The following CSMD1 variants were observed in gnomAD, a reference collection of about 807,000 sequenced individuals.
The protein encoded by CSMD1 is CUB and sushi domain-containing protein 1.
A neutral mutation model predicts 417.5 loss-of-function variants in CSMD1; 213 were observed. The observed-to-expected ratio is 0.51, with a 90% CI of 0.46 to 0.57. The LOEUF is 0.57. Among genes scored for constraint, CSMD1 ranks in the 20% least tolerant of loss-of-function variants. CSMD1 has a pLI of 0.00. For missense variants in CSMD1, 6,923 were observed against 4,529.7 expected (o/e 1.53, Z -15.17); for synonymous variants, 2,862 against 1,736.8 (o/e 1.65, Z -16.11).
intron 1 of CSMD1, among the ~76,000 whole-genome samples, chr8:4,746,856 C>G (rs535746768): frequency 6.6e-6 from 1 of 152,300 alleles, no homozygotes; most frequent in South Asian, 2.1e-4. Context: ...GTGACATACT[C>G]TGCAAACAAC....
intron 10 of CSMD1, among the ~76,000 whole-genome samples, chr8:3,540,469 C>T (rs1039051493): frequency 4.6e-5 from 7 of 152,230 alleles, no homozygotes; most frequent in South Asian, 2.1e-4. Flanking sequence ...GACATAGTCA[C>T]GGGCAACGAA....
chr8:4,395,017 C>T (rs1804105296), intron 3 of CSMD1, among the ~76,000 whole-genome samples: 1 of 152,192 alleles, frequency 6.6e-6, no homozygotes, highest in Non-Finnish European at 1.5e-5. Flanking sequence ...TAGACCCTTT[C>T]CCTCTGCGTG....
rs139154085 is a variant in CSMD1 at position 3,015,530 on chromosome 8, G to C, written c.8029+2947C>G. On this transcript the variant is annotated intron_variant, in intron 52 of 69. Transcript: ENST00000635120. ...TTTGATTCAGAATCACTTCTGAATA[G>C]TACTTATGAATACCCATCTCATAAC... Among the ~76,000 whole-genome samples the C allele has an allele frequency of 2.7e-3, 414 of 151,866 alleles. 4 individuals are homozygous for C. The highest frequency in any genetic ancestry group is 7.6e-3 in the African/African-American group (316 of 41,416).
chr8:4,440,373 T>C (rs983900949), intron 2 of CSMD1, among the ~76,000 whole-genome samples: 3 of 152,186 alleles, frequency 2.0e-5, no homozygotes, highest in East Asian at 3.9e-4. Context: ...AATTATACAA[T>C]GAATAAGGAG....
intron 1 of CSMD1, among the ~76,000 whole-genome samples, chr8:4,854,558 A>C (rs1464317381): frequency 6.6e-6 from 1 of 152,132 alleles, no homozygotes; most frequent in Non-Finnish European, 1.5e-5. Flanking sequence ...GGGTGCGCGC[A>C]CCGTGCGTGA....
chr8:3,929,812 C>G (rs1186775772), intron 5 of CSMD1, among the ~76,000 whole-genome samples: 1 of 149,430 alleles, frequency 6.7e-6, no homozygotes, highest in Non-Finnish European at 1.5e-5. Context: ...CAGGCACATG[C>G]CACCATGCCT....
At chr8:3,022,513 G>C (rs1461950941) in intron 51 of CSMD1, among the ~76,000 whole-genome samples, 1 of 152,186 alleles carries the variant, frequency 6.6e-6, no homozygotes, top group African/African-American at 2.4e-5. Flanking sequence ...TCAATTCTAT[G>C]ATTATATTCA....
At chr8:4,886,347 T>C (rs1012288662) in intron 1 of CSMD1, among the ~76,000 whole-genome samples, 1 of 151,960 alleles carries the variant, frequency 6.6e-6, no homozygotes, top group African/African-American at 2.4e-5. Context: ...TTTTATTTTA[T>C]GTATATTATA....
At chr8:3,164,564 G>C (rs1820096390) in intron 37 of CSMD1, among the ~76,000 whole-genome samples, 1 of 151,888 alleles carries the variant, frequency 6.6e-6, no homozygotes, top group African/African-American at 2.4e-5. Context: ...CCACATATTA[G>C]CAAGGTCATC....
Position 3,515,587 on chromosome 8 carries a change from G to T in CSMD1, c.1345-21861C>A, listed in dbSNP as rs146356246. Among the ~76,000 whole-genome samples the T allele has an allele frequency of 5.2e-3, 796 of 152,322 alleles. 5 individuals carry two copies. Among genetic ancestry groups the T allele is most frequent in the African/African-American group, 0.018 (756 of 41,570 alleles). ...ATTGCCGTTTTCGGAAGTTTAGAAT[G>T]TTTCCAACAGAAAACTTATTACTGT... On this transcript the variant is annotated intron_variant, in intron 10 of 69. Transcript: ENST00000635120.
chr8:3,498,936 T>C (rs970999559), intron 10 of CSMD1, among the ~76,000 whole-genome samples: 1 of 152,206 alleles, frequency 6.6e-6, no homozygotes, highest in African/African-American at 2.4e-5. Flanking sequence ...TTCTACTGAT[T>C]CTCACGGCGT....
chr8:4,012,302 A>G (rs1291515769), intron 4 of CSMD1, among the ~76,000 whole-genome samples: 1 of 152,088 alleles, frequency 6.6e-6, no homozygotes, highest in Non-Finnish European at 1.5e-5. Context: ...GTTTCATTTC[A>G]TCTTCCAATC....
chr8:3,180,459 G>A (rs935768150), intron 37 of CSMD1, among the ~76,000 whole-genome samples: 1 of 152,132 alleles, frequency 6.6e-6, no homozygotes, highest in Non-Finnish European at 1.5e-5. Flanking sequence ...ACCTTCTGGG[G>A]AATGCTAATA....
intron 29 of CSMD1, among the ~76,000 whole-genome samples, chr8:3,215,346 T>C (rs1473560868): frequency 6.6e-6 from 1 of 152,240 alleles, no homozygotes; most frequent in Non-Finnish European, 1.5e-5. Context: ...GTGCACTGGA[T>C]GTACTAACAG....
At chr8:2,962,905 G>A (rs190045544) in intron 60 of CSMD1, among the ~76,000 whole-genome samples, 116 of 152,204 alleles carry the variant, frequency 7.6e-4, no homozygotes, top group Non-Finnish European at 1.2e-3. Flanking sequence ...AAAATTAGCT[G>A]GGTTTGGTGG....
rs545193128 is a variant in CSMD1, at chr8:3,268,254, C to G, written c.4153+15890G>C. The stretch of plus-strand genomic sequence containing the variant: ...CACACAATGAGGCCAGGGCGACTTT[C>G]TCCCATCAGGGTGTGGTCAGATGGT... On this transcript the variant is annotated intron_variant, in intron 26 of 69. Coordinates refer to ENST00000635120, the MANE Select transcript of CSMD1 (RefSeq NM_033225.6). Among the ~76,000 whole-genome samples the G allele has an allele frequency of 9.2e-4, 137 of 148,586 alleles. 3 individuals carry two copies. The South Asian group carries it at 0.029, about 31-fold the overall frequency.
chr8:3,451,935 T>C (rs1362866212), intron 12 of CSMD1, among the ~76,000 whole-genome samples: 1 of 152,222 alleles, frequency 6.6e-6, no homozygotes, highest in African/African-American at 2.4e-5. Flanking sequence ...ACATTGATTC[T>C]TCCTACCCAT....
At chr8:4,065,137 T>A (rs536888142) in intron 3 of CSMD1, among the ~76,000 whole-genome samples, 2 of 152,352 alleles carry the variant, frequency 1.3e-5, no homozygotes, top group African/African-American at 2.4e-5. Context: ...TAGAGTTTTT[T>A]AAAAATTACA....
chr8:4,466,768 T>C (rs1004008815), intron 2 of CSMD1, among the ~76,000 whole-genome samples: 6 of 151,674 alleles, frequency 4.0e-5, no homozygotes, highest in Non-Finnish European at 7.3e-5. Flanking sequence ...CAAATTATAA[T>C]ATGAGAATAC....
Sources: gnomAD v4.1 joint callset for allele counts (sites outside exome capture counted in the v4.1 genomes callset) on GRCh38, gnomAD v4.1.1 for gene constraint, MANE v1.5 for transcripts, NCBI Gene and HGNC (gene_info 2026-07-23, HGNC 2026-07-21) for gene names.